Variants in POLI observed in about 807,000 individuals in gnomAD.
POLI encodes RAD30 homolog B.
POLI carries 58 observed loss-of-function variants against 51.6 expected under a neutral mutation model. That is an observed-to-expected ratio of 1.12 (90% confidence interval 0.91 to 1.40). The LOEUF is 1.40. Ranked by LOEUF, POLI falls within the 40% of genes most tolerant of loss-of-function variation. The probability of loss-of-function intolerance (pLI) is 0.00; values close to 1 mark genes in which losing one functional copy is unlikely to be tolerated. For missense variants in POLI, 921 were observed against 871.3 expected, an observed-to-expected ratio of 1.06 and a Z score of -0.72; for synonymous variants, 322 against 299.7, an observed-to-expected ratio of 1.07 and a Z score of -0.77.
At chr18:54,279,239 T>TTA (rs2087385777) in intron 4 of POLI, among the ~76,000 whole-genome samples, 1 of 138,752 alleles carries the variant, frequency 7.2e-6, no homozygotes. Flanking sequence ...ATTATGTCTT[T>TTA]TCTTTTTTTT....
chr18:54,276,841 T>C (rs1176697519), intron 3 of POLI, among the ~76,000 whole-genome samples: 1 of 152,220 alleles, frequency 6.6e-6, no homozygotes, highest in Non-Finnish European at 1.5e-5. Flanking sequence ...TGGAATGAGA[T>C]AGTCCTTTTA....
intron 3 of POLI, among the ~76,000 whole-genome samples, chr18:54,275,779 TCTAAGTA>T (rs1304625090): frequency 6.6e-6 from 1 of 152,246 alleles, no homozygotes; most frequent in East Asian, 1.9e-4. Flanking sequence ...TTCATCTTTT[TCTAAGTA>T]CTAAGTACCT....
intron 4 of POLI, among the ~76,000 whole-genome samples, chr18:54,279,470 T>G (rs572135648): frequency 6.6e-6 from 1 of 152,282 alleles, no homozygotes; most frequent in East Asian, 1.9e-4. Context: ...CTTGAACTCC[T>G]AATCTCAGAT....
intron 2 of POLI, among the ~76,000 whole-genome samples, chr18:54,273,111 C>T (rs2087079674): frequency 6.6e-6 from 1 of 151,804 alleles, no homozygotes; most frequent in South Asian, 2.1e-4. Flanking sequence ...AAAAAAAGAG[C>T]AAATAATTTT....
chr18:54,269,579 A>AGGC lies in POLI; in HGVS notation c.41_43dup (p.Gly14dup), dbSNP rs1458852302. 8.4e-6 allele frequency: 12 copies of AGGC among 1,422,014 alleles called. No individual in the cohort carries two copies. Among genetic ancestry groups the AGGC allele is most frequent in the East Asian group, 2.9e-5 (1 of 34,166 alleles). 88.1% of individuals were successfully genotyped at this position (1,422,014 alleles called of 1,614,324 possible). On this transcript the variant is annotated inframe_insertion, in exon 1 of 10. Coordinates refer to ENST00000579534, the MANE Select transcript of POLI (RefSeq NM_007195.3). The stretch of plus-strand genomic sequence containing the variant: ...AGCTGGGGGTGGAGCCGGAGGAGGA[A>AGGC]GGCGGCGGCGACGACGACGAGGAAG...
At chr18:54,317,537 T>C (rs1223127581) in intron 3 of POLI, among the ~76,000 whole-genome samples, 3 of 152,110 alleles carry the variant, frequency 2.0e-5, no homozygotes, top group Non-Finnish European at 1.5e-5. Context: ...AATCTTTAAG[T>C]GGTGGATAAA....
chr18:54,291,586 A>G (rs1316229008), intron 8 of POLI: 1 of 252,572 alleles, frequency 4.0e-6, no homozygotes, highest in Non-Finnish European at 7.4e-6. Flanking sequence ...AATGTTGTTC[A>G]GTTTTATAGT....
rs1008485992 is a variant in POLI, at chr18:54,295,169, A to T, written c.*702A>T. ...TCCGTGCAAGTAAATTAAGGGAAAG[A>T]TGGACACCAGAAAGGCAAGGTGATG... is the stretch of plus-strand genomic sequence containing the variant. On this transcript the variant is annotated 3_prime_UTR_variant, in exon 10 of 10. Transcript: ENST00000579534. 1.0e-6 allele frequency: 1 copy of T among 984,006 alleles called. No individual in the cohort carries two copies. The highest frequency in any genetic ancestry group is 4.7e-5 in the South Asian group (1 of 21,264). The allele number at this position is 984,006 out of a possible 1,614,324, so 61.0% of individuals were successfully genotyped here.
Position 54,294,834 on chromosome 18 carries a change from T to C in POLI, c.*367T>C. On this transcript the variant is annotated 3_prime_UTR_variant, in exon 10 of 10. Transcript: ENST00000579534. ...GGACACATTTTTTTTTTTTTTTTCC[T>C]GTGAAATGTGGAATATCTCAAATTC... 1.0e-6 allele frequency: 1 copy of C among 971,026 alleles called. No individual in the cohort carries two copies. Among genetic ancestry groups the C allele is most frequent in the African/African-American group, 1.8e-5 (1 of 56,768 alleles). 60.2% of individuals were successfully genotyped at this position (971,026 alleles called of 1,614,324 possible). A position where few individuals can be genotyped will look rare whatever the true frequency, so the allele number is the denominator to read the frequency against.
chr18:54,315,309 C>T (rs556562705), intron 3 of POLI, among the ~76,000 whole-genome samples: 33 of 152,090 alleles, frequency 2.2e-4, no homozygotes, highest in Non-Finnish European at 3.7e-4. Context: ...TTTTATTGCA[C>T]TGTGGTCTGA....
rs892435357 is a variant in POLI at position 54,294,542 on chromosome 18, A to G, written c.*75A>G. 3.3e-5 allele frequency: 49 copies of G among 1,464,782 alleles called. No individual in the cohort carries two copies. Among genetic ancestry groups the G allele is most frequent in the Admixed American group, 3.2e-4 (12 of 37,642 alleles). The allele number at this position is 1,464,782 out of a possible 1,614,324, so 90.7% of individuals were successfully genotyped here. ...GATTAGCGGTTTATTAAGCTCTTCT[A>G]TATTAAACACTAATAGATATTCAAT... On this transcript the variant is annotated 3_prime_UTR_variant, in exon 10 of 10. Transcript: ENST00000579534.
intron 5 of POLI, among the ~76,000 whole-genome samples, chr18:54,281,895 C>T (rs1162653262): frequency 6.6e-6 from 1 of 151,940 alleles, no homozygotes. Flanking sequence ...TTTTACTGTG[C>T]AAGAAAACCA....
At chr18:54,301,032 C>T (rs1050081431), downstream of POLI, among the ~76,000 whole-genome samples, 1 of 152,184 alleles carries the variant, frequency 6.6e-6, no homozygotes, top group African/African-American at 2.4e-5. Context: ...GTAATCCCAA[C>T]ACTTTGGGAG....
intron 3 of POLI, among the ~76,000 whole-genome samples, chr18:54,307,056 AT>A (rs759819288): frequency 6.6e-6 from 1 of 152,132 alleles, no homozygotes; most frequent in Non-Finnish European, 1.5e-5. Flanking sequence ...GGATTCATTG[AT>A]TTTTTGAAGG....
chr18:54,311,201 G>C, intron 3 of POLI: 1 of 601,182 alleles, frequency 1.7e-6, no homozygotes, highest in Non-Finnish European at 2.1e-6. Flanking sequence ...AAGGAACCAG[G>C]AATTGAGAAG....
At chr18:54,315,423 A>G (rs540432541) in intron 3 of POLI, among the ~76,000 whole-genome samples, 19 of 152,164 alleles carry the variant, frequency 1.2e-4, no homozygotes, top group South Asian at 4.2e-4. Context: ...TGTGGATGAG[A>G]AGAATGTATA....
chr18:54,284,874 A>G (rs1252204788), intron 7 of POLI, among the ~76,000 whole-genome samples: 1 of 152,220 alleles, frequency 6.6e-6, no homozygotes, highest in South Asian at 2.1e-4. Flanking sequence ...TCAATATTCC[A>G]TATTCCACAG....
At chr18:54,291,774 TA>T in intron 8 of POLI, 58 bp from the exon 9 acceptor site, 1 of 769,320 alleles carries the variant, frequency 1.3e-6, no homozygotes, top group South Asian at 2.0e-5. Context: ...CTCAGCAATA[TA>T]AAATATATTA....
At chr18:54,312,405 A>G (rs1308306838) in intron 3 of POLI, among the ~76,000 whole-genome samples, 1 of 152,116 alleles carries the variant, frequency 6.6e-6, no homozygotes, top group African/African-American at 2.4e-5. Flanking sequence ...TGCTCTTGTG[A>G]ATAGCGCTGC....
Sources: gnomAD v4.1 joint callset for allele counts (sites outside exome capture counted in the v4.1 genomes callset) on GRCh38, gnomAD v4.1.1 for gene constraint, MANE v1.5 for transcripts, NCBI Gene and HGNC (gene_info 2026-07-23, HGNC 2026-07-21) for gene names.